The following PCDHA9 variants were observed in gnomAD, a reference collection of about 807,000 sequenced individuals.
PCDHA9 encodes protocadherin alpha-9.
PCDHA9 carries 62 observed loss-of-function variants against 62.0 expected under a neutral mutation model. The observed-to-expected ratio is 1.00, with a 90% CI of 0.81 to 1.23. PCDHA9 has a LOEUF of 1.23. Among genes scored for constraint, PCDHA9 ranks in the 50% most tolerant of loss-of-function variants. PCDHA9 has a pLI of 0.00. For missense variants in PCDHA9, 1,205 were observed against 1,249.8 expected (o/e 0.96, Z 0.54); for synonymous variants, 557 against 567.6 (o/e 0.98, Z 0.27).
chr5:140,869,745 T>C (rs1407210744), intron 1 of PCDHA9: 3 of 1,613,220 alleles, frequency 1.9e-6, no homozygotes, highest in Non-Finnish European at 2.5e-6. Context: ...TGCTAACAGC[T>C]ACAGACGGGG....
chr5:140,960,792 C>T (rs2095571018), intron 1 of PCDHA9, among the ~76,000 whole-genome samples: 1 of 151,986 alleles, frequency 6.6e-6, no homozygotes, highest in South Asian at 2.1e-4. Context: ...AACAAGGTTT[C>T]TATTAAAATA....
intron 1 of PCDHA9, among the ~76,000 whole-genome samples, chr5:140,887,714 T>C (rs772328025): frequency 6.6e-6 from 1 of 152,220 alleles, no homozygotes; most frequent in Admixed American, 6.5e-5. Flanking sequence ...CTTCTTCTAA[T>C]AGTTTTTTCT....
intron 1 of PCDHA9, among the ~76,000 whole-genome samples, chr5:140,970,314 A>G (rs141905108): frequency 0.01 from 1,597 of 152,320 alleles, 13 homozygotes; most frequent in Middle Eastern, 0.014. Flanking sequence ...AAGTTAAATG[A>G]CAGTACTTCC....
At chr5:140,866,412 A>C (rs1308561363) in intron 1 of PCDHA9, 1 of 152,116 alleles carries the variant, frequency 6.6e-6, no homozygotes, top group Non-Finnish European at 1.5e-5. Context: ...AAAATCTTCA[A>C]ATGTGTGTAG....
chr5:140,883,330 T>G, intron 1 of PCDHA9: 3 of 1,614,182 alleles, frequency 1.9e-6, no homozygotes, highest in Middle Eastern at 1.6e-4. Flanking sequence ...CCATCACTTC[T>G]TTGTCACTCC....
chr5:140,893,249 T>A (rs1317089236), intron 1 of PCDHA9, among the ~76,000 whole-genome samples: 2 of 152,220 alleles, frequency 1.3e-5, no homozygotes, highest in African/African-American at 4.8e-5. Context: ...TTTCCTTTTC[T>A]TTGGATAAAT....
intron 1 of PCDHA9, chr5:140,930,288 T>A (rs2086713135): frequency 6.6e-6 from 1 of 152,212 alleles, no homozygotes; most frequent in African/African-American, 2.4e-5. Context: ...CAAATACACT[T>A]AACAAATAAG....
chr5:140,998,005 C>G (rs539275150), intron 3 of PCDHA9, among the ~76,000 whole-genome samples: 1 of 152,164 alleles, frequency 6.6e-6, no homozygotes, highest in South Asian at 2.1e-4. Flanking sequence ...TCTGAGCCTT[C>G]CATCCCCACC....
intron 1 of PCDHA9, among the ~76,000 whole-genome samples, chr5:140,879,733 A>G (rs1213918807): frequency 6.6e-6 from 1 of 152,218 alleles, no homozygotes; most frequent in African/African-American, 2.4e-5. Flanking sequence ...GTCCAAAATC[A>G]AGGTGTTGTC....
chr5:141,006,368 C>T (rs1395158727), intron 3 of PCDHA9, among the ~76,000 whole-genome samples: 2 of 152,072 alleles, frequency 1.3e-5, no homozygotes, highest in Non-Finnish European at 2.9e-5. Context: ...CCCACCACCA[C>T]GCCCGGCTAA....
At chr5:140,876,724 G>C (rs140611870) in intron 1 of PCDHA9, 4 of 1,614,128 alleles carry the variant, frequency 2.5e-6, no homozygotes, top group Non-Finnish European at 2.5e-6. Context: ...CCGCGAGAGC[G>C]TGTCGGCCTA....
intron 1 of PCDHA9, chr5:140,868,074 T>C (rs1554161742): frequency 6.6e-6 from 1 of 152,138 alleles, no homozygotes; most frequent in Non-Finnish European, 1.5e-5. Context: ...AGGGTGATTT[T>C]ATTTATTTTA....
intron 1 of PCDHA9, chr5:140,852,488 G>A (rs1554145834): frequency 4.7e-6 from 1 of 213,506 alleles, no homozygotes; most frequent in African/African-American, 2.4e-5. Context: ...ATGTTGGCCA[G>A]GTTGGTCTCG....
Position 140,848,468 on chromosome 5 carries a change from C to A in PCDHA9, c.-28C>A. ...TCTTCTAATTTGGAGGCAATTTTCA[C>A]TAATTAGAAGAAGACTGAGTATTTG... is the stretch of plus-strand genomic sequence containing the variant. On this transcript the variant is annotated 5_prime_UTR_variant, in exon 1 of 4. Transcript: ENST00000532602. 1 of 1,547,824 alleles carries A rather than the reference C, an allele frequency of 6.5e-7. No individual in the cohort carries two copies. The highest frequency in any genetic ancestry group is 1.4e-5 in the African/African-American group (1 of 72,926).
intron 1 of PCDHA9, among the ~76,000 whole-genome samples, chr5:140,896,506 A>G (rs1231827987): frequency 2.7e-5 from 4 of 150,856 alleles, no homozygotes; most frequent in African/African-American, 9.7e-5. Flanking sequence ...GGGACTGTGC[A>G]GGCACACACC....
chr5:140,925,084 AGGAAGGAAGGAAGGAAGGAAGGAG>A (rs1554202501), intron 1 of PCDHA9, among the ~76,000 whole-genome samples: 1 of 144,612 alleles, frequency 6.9e-6, no homozygotes, highest in Admixed American at 6.7e-5. Flanking sequence ...TCATCTGGAA[AGGAAGGAAGGAAGGAAGGAAGGAG>A]GGAAGGAAGG....
chr5:140,917,952 GA>G (rs1180047836), intron 1 of PCDHA9, among the ~76,000 whole-genome samples: 1 of 152,002 alleles, frequency 6.6e-6, no homozygotes, highest in Non-Finnish European at 1.5e-5. Flanking sequence ...AGTTTGATAG[GA>G]ACATCATTGA....
Position 140,849,625 on chromosome 5 carries a change from T to A in PCDHA9, c.1130T>A (p.Leu377Gln). 6.3e-7 allele frequency: 1 copy of A among 1,598,718 alleles called. No individual in the cohort carries two copies. The highest frequency in any genetic ancestry group is 8.6e-7 in the Non-Finnish European group (1 of 1,167,960). Residue 377 changes from leucine (L) to glutamine (Q), a missense_variant, in exon 1 of 4, where the codon CTA becomes CAA. By Grantham distance (113) the Leu-to-Gln change is moderately radical. This residue lies in a region of PCDHA9 where 887 missense variants were observed against 809.5 expected (regional missense o/e 1.10). Coordinates refer to ENST00000532602, the MANE Select transcript of PCDHA9 (RefSeq NM_031857.2). ...ATTGCCCTGATTAGTGTGATCGACC[T>A]AGACGCAGATGCCAACGGGCAGGTT... The part of the protein sequence containing the change: ...TVIALISVID[L>Q]DADANGQVTC...
In PCDHA9 at chr5:140,856,797, T is replaced by C. The variant is rs116416365; in HGVS notation, c.2394+5908T>C. The C allele has an allele frequency of 1.0e-3, 1,647 of 1,595,690 alleles. 103 individuals carry two copies. The African/African-American group carries it at 0.02, about 19-fold the overall frequency. On this transcript the variant is annotated intron_variant, in intron 1 of 3. Transcript: ENST00000532602. ...GACAGACCGGTTTATGAAGTTAAGA[T>C]GTATGAAAATCAAGTGAACCAAACA... is the stretch of plus-strand genomic sequence containing the variant.
Sources: allele counts gnomAD v4.1 joint callset (sites outside exome capture counted in the v4.1 genomes callset), GRCh38; gene constraint gnomAD v4.1.1; regional missense constraint gnomAD v4.1.1; transcripts MANE v1.5; gene names NCBI Gene and HGNC (gene_info 2026-07-23, HGNC 2026-07-21).